The following CTNNA2 variants were observed in gnomAD, a reference collection of about 807,000 sequenced individuals.
The protein encoded by CTNNA2 is catenin alpha 2, also known as catenin alpha-2.
A neutral mutation model predicts 101.0 loss-of-function variants in CTNNA2; 42 were observed. That is an observed-to-expected ratio of 0.42 (90% CI 0.32 to 0.54). The LOEUF is 0.54. CTNNA2 is among the 20% of genes least tolerant of loss of function. CTNNA2 has a pLI of 0.14. For synonymous variants in CTNNA2, 450 were observed against 456.4 expected, an observed-to-expected ratio of 0.99 and a Z score of 0.18; for missense variants, 871 against 1,223.1, an observed-to-expected ratio of 0.71 and a Z score of 4.29.
intron 7 of CTNNA2, among the ~76,000 whole-genome samples, chr2:80,079,900 A>G (rs1699032367): frequency 6.8e-6 from 1 of 146,864 alleles, no homozygotes; most frequent in Admixed American, 6.8e-5. Flanking sequence ...TAAAATAAAT[A>G]AAATAAAATA....
intron 2 of CTNNA2, among the ~76,000 whole-genome samples, chr2:79,278,808 C>G (rs1675284812): frequency 6.6e-6 from 1 of 152,002 alleles, no homozygotes; most frequent in Admixed American, 6.6e-5. Flanking sequence ...GGCAATACAT[C>G]AGAGAAAAGA....
chr2:79,848,252 C>A (rs1293461336), intron 3 of CTNNA2, among the ~76,000 whole-genome samples: 1 of 152,144 alleles, frequency 6.6e-6, no homozygotes, highest in East Asian at 1.9e-4. Flanking sequence ...ATGAAATTTA[C>A]ATTCCATCAG....
intron 3 of CTNNA2, among the ~76,000 whole-genome samples, chr2:79,850,231 A>ATCTCTCTCCCTCTGTT (rs1241897769): frequency 1.3e-4 from 12 of 89,758 alleles, no homozygotes; most frequent in African/African-American, 5.5e-4. Context: ...CTCCCTCTGT[A>ATCTCTCTCCCTCTGTT]TCTCTCTCCC....
intron 1 of CTNNA2, among the ~76,000 whole-genome samples, chr2:79,535,082 A>T (rs1672974313): frequency 6.6e-6 from 1 of 152,212 alleles, no homozygotes; most frequent in African/African-American, 2.4e-5. Context: ...ATAAAGAGAT[A>T]AACTATTCAT....
chr2:80,153,303 A>C (rs986821461), intron 7 of CTNNA2, among the ~76,000 whole-genome samples: 9 of 152,312 alleles, frequency 5.9e-5, no homozygotes, highest in African/African-American at 2.2e-4. Context: ...GCCCTTTCTC[A>C]GTATTTGTCA....
At chr2:79,956,515 G>T (rs1169672667) in intron 7 of CTNNA2, among the ~76,000 whole-genome samples, 7 of 151,990 alleles carry the variant, frequency 4.6e-5, no homozygotes, top group Non-Finnish European at 8.8e-5. Flanking sequence ...TTATTTGAAG[G>T]TTTGGGCAAA....
At chr2:80,132,843 A>G (rs1034716636) in intron 7 of CTNNA2, among the ~76,000 whole-genome samples, 3 of 152,318 alleles carry the variant, frequency 2.0e-5, no homozygotes, top group South Asian at 2.1e-4. Flanking sequence ...TTGTATTCCA[A>G]TGTATTGTCA....
intron 1 of CTNNA2, among the ~76,000 whole-genome samples, chr2:79,568,265 C>G (rs1432076105): frequency 6.6e-6 from 1 of 152,114 alleles, no homozygotes; most frequent in East Asian, 1.9e-4. Context: ...TGTACATGCC[C>G]CCAGTGAAGT....
intron 9 of CTNNA2, among the ~76,000 whole-genome samples, chr2:80,543,754 G>C (rs1261299327): frequency 6.6e-6 from 1 of 152,098 alleles, no homozygotes; most frequent in East Asian, 1.9e-4. Flanking sequence ...TATAAGCATG[G>C]GTGGTACATT....
chr2:79,395,491 T>C (rs1011603189), intron 4 of CTNNA2, among the ~76,000 whole-genome samples: 1 of 152,228 alleles, frequency 6.6e-6, no homozygotes, highest in African/African-American at 2.4e-5. Flanking sequence ...AATATTTTCA[T>C]GTAAAATGCC....
chr2:80,620,868 C>T (rs933760993), intron 18 of CTNNA2, among the ~76,000 whole-genome samples: 16 of 151,864 alleles, frequency 1.1e-4, no homozygotes, highest in Non-Finnish European at 1.8e-4. Flanking sequence ...GAGTTAAGAA[C>T]GGTTGTGTTG....
Position 80,093,368 on chromosome 2 carries a change from T to A in CTNNA2, c.1056+183571T>A, listed in dbSNP as rs578192646. 4.6e-5 allele frequency among the ~76,000 whole-genome samples: 7 copies of A among 152,316 alleles called. No individual in the cohort carries two copies. In the South Asian group the frequency reaches 1.5e-3, roughly 32 times the overall value. ...TTTATGGCTGCATAGTATTCCATGG[T>A]GTACATGTGCCACATTTTGTTAATC... On this transcript the variant is annotated intron_variant, in intron 7 of 18. Coordinates refer to ENST00000402739, the MANE Select transcript of CTNNA2 (RefSeq NM_001282597.3).
At chr2:80,224,531 A>G (rs1211040158) in intron 7 of CTNNA2, among the ~76,000 whole-genome samples, 5 of 148,492 alleles carry the variant, frequency 3.4e-5, no homozygotes, top group African/African-American at 5.0e-5. Flanking sequence ...TGCAACCTCC[A>G]TCTCCTGGGT....
chr2:79,760,865 C>G (rs1672741857), intron 3 of CTNNA2, among the ~76,000 whole-genome samples: 1 of 152,200 alleles, frequency 6.6e-6, no homozygotes, highest in African/African-American at 2.4e-5. Context: ...CTTGTCCTAC[C>G]AAATGGAGGC....
intron 14 of CTNNA2, among the ~76,000 whole-genome samples, chr2:80,582,685 A>C (rs1226105361): frequency 6.6e-6 from 1 of 152,166 alleles, no homozygotes; most frequent in Non-Finnish European, 1.5e-5. Context: ...AAGAGTAAAA[A>C]CAATCAGATT....
At chr2:80,037,724 T>G (rs1695762187) in intron 7 of CTNNA2, among the ~76,000 whole-genome samples, 1 of 152,170 alleles carries the variant, frequency 6.6e-6, no homozygotes. Context: ...AATGTTAGCT[T>G]TTTATGAAAA....
chr2:79,191,170 G>A (rs535067735), intron 1 of CTNNA2, among the ~76,000 whole-genome samples: 1 of 152,314 alleles, frequency 6.6e-6, no homozygotes, highest in East Asian at 1.9e-4. Flanking sequence ...GGCGGGAAAT[G>A]AGCTGCAAGT....
At chr2:79,621,347 A>T (rs1013341473) in intron 1 of CTNNA2, among the ~76,000 whole-genome samples, 1 of 152,140 alleles carries the variant, frequency 6.6e-6, no homozygotes, top group Non-Finnish European at 1.5e-5. Flanking sequence ...ATTCTCCGTT[A>T]TTGTCCATGG....
rs143414749 is a variant in CTNNA2 at position 80,348,590 on chromosome 2, G to A, written c.1057-44621G>A. 2.5e-3 allele frequency among the ~76,000 whole-genome samples: 388 copies of A among 152,198 alleles called. 2 individuals are homozygous for A. The highest frequency in any genetic ancestry group is 8.4e-3 in the African/African-American group (350 of 41,526). On this transcript the variant is annotated intron_variant, in intron 7 of 18. Coordinates refer to ENST00000402739, the MANE Select transcript of CTNNA2 (RefSeq NM_001282597.3). ...TCCTCCATGCTGTTTCTGGAAAAACGTAGCTGTGTATGATTAACAGCAACT... is the reference window on the plus strand; with the variant it reads ...TCCTCCATGCTGTTTCTGGAAAAACATAGCTGTGTATGATTAACAGCAACT...
Sources: gnomAD v4.1 joint callset for allele counts (sites outside exome capture counted in the v4.1 genomes callset) on GRCh38, gnomAD v4.1.1 for gene constraint, MANE v1.5 for transcripts, NCBI Gene and HGNC (gene_info 2026-07-23, HGNC 2026-07-21) for gene names.